Variants in ARFGEF2 observed in about 807,000 individuals in gnomAD.
ARFGEF2 encodes brefeldin A-inhibited guanine nucleotide-exchange protein 2.
Under a neutral mutation model 219.9 loss-of-function variants are expected in ARFGEF2, and 74 were observed. The observed-to-expected ratio is 0.34, with a 90% confidence interval of 0.28 to 0.41. The LOEUF is 0.41. Among genes scored for constraint, ARFGEF2 ranks in the 10% least tolerant of loss-of-function variants. The probability of loss-of-function intolerance (pLI) is 1.00; values close to 1 mark genes in which losing one functional copy is unlikely to be tolerated. For missense variants in ARFGEF2, 1,743 were observed against 2,218.3 expected (o/e 0.79, Z 4.30); for synonymous variants, 733 against 799.2 (o/e 0.92, Z 1.40).
intron 30 of ARFGEF2, 113 bp downstream of exon 30, chr20:49,014,073 C>T: frequency 7.1e-7 from 1 of 1,411,578 alleles, no homozygotes; most frequent in Non-Finnish European, 9.9e-7. Context: ...AAATACTGAG[C>T]AACTTAAGGT....
chr20:49,022,969 T>G, intron 34 of ARFGEF2, 82 bp from the exon 35 acceptor site: 2 of 1,578,614 alleles, frequency 1.3e-6, no homozygotes, highest in South Asian at 2.2e-5. Context: ...AAATCATGCC[T>G]TGCACATAGT....
At chr20:48,990,657 GTCTC>G (rs776770803) in intron 20 of ARFGEF2, among the ~76,000 whole-genome samples, 22 of 152,300 alleles carry the variant, frequency 1.4e-4, no homozygotes, top group Admixed American at 3.3e-4. Flanking sequence ...CTCAGCTAAA[GTCTC>G]TCTGAGACAC....
intron 34 of ARFGEF2, among the ~76,000 whole-genome samples, chr20:49,022,490 G>GA (rs1364284948): frequency 6.6e-6 from 1 of 152,090 alleles, no homozygotes; most frequent in Non-Finnish European, 1.5e-5. Flanking sequence ...GCAGGAACCT[G>GA]AAACGTCCTC....
intron 11 of ARFGEF2, 120 bp from the exon 12 acceptor site, chr20:48,973,025 A>T: frequency 1.8e-6 from 2 of 1,094,828 alleles, no homozygotes; most frequent in South Asian, 2.6e-5. Context: ...TTCCTGAGTG[A>T]GATGTGGCCA....
chr20:49,030,093 A>G lies in ARFGEF2; in HGVS notation c.5063+1425A>G, dbSNP rs532404553. Among the ~76,000 whole-genome samples, 5 of 151,478 alleles carry G rather than the reference A, an allele frequency of 3.3e-5. No individual in the cohort carries two copies. In the South Asian group the frequency reaches 1.0e-3, roughly 32 times the overall value. ...CCTGGCTAATTTTTGTGTTTTTAGT[A>G]GAGACAAAGTTTCACGATATTGGCC... On this transcript the variant is annotated intron_variant, in intron 37 of 38. Coordinates refer to ENST00000371917, the MANE Select transcript of ARFGEF2 (RefSeq NM_006420.3).
chr20:49,031,369 A>G (rs2091633543), intron 37 of ARFGEF2, among the ~76,000 whole-genome samples: 1 of 151,908 alleles, frequency 6.6e-6, no homozygotes, highest in Non-Finnish European at 1.5e-5. Flanking sequence ...AGCTGGAATT[A>G]CAGATACGCA....
intron 6 of ARFGEF2, among the ~76,000 whole-genome samples, chr20:48,958,651 C>G (rs1343417894): frequency 6.6e-6 from 1 of 151,932 alleles, no homozygotes; most frequent in Non-Finnish European, 1.5e-5. Flanking sequence ...ACCGCGCTAG[C>G]CAGGATGGTC....
Position 48,974,679 on chromosome 20 carries a change from C to T in ARFGEF2, c.1666-87C>T, listed in dbSNP as rs901927491. On this transcript the variant is annotated intron_variant, in intron 12 of 38. Coordinates refer to ENST00000371917, the MANE Select transcript of ARFGEF2 (RefSeq NM_006420.3). ...TGACTGTCAGTGATTTCTTTCTTAG[C>T]CTCACTGGGGTCCCAGAAAGCCTCG... 3 of 994,434 alleles carry T rather than the reference C, an allele frequency of 3.0e-6. No homozygotes were observed. The African/African-American group carries it at 4.8e-5, about 16-fold the overall frequency. The allele number at this position is 994,434 out of a possible 1,614,324, so 61.6% of individuals were successfully genotyped here. A position where few individuals can be genotyped will look rare whatever the true frequency, so the allele number is the denominator to read the frequency against.
chr20:48,941,505 T>G (rs2090993017), intron 2 of ARFGEF2, among the ~76,000 whole-genome samples: 1 of 152,208 alleles, frequency 6.6e-6, no homozygotes, highest in South Asian at 2.1e-4. Flanking sequence ...GGCAAAGCCC[T>G]TGTCTCTTGT....
At chr20:48,935,041 G>C (rs568712862) in intron 1 of ARFGEF2, among the ~76,000 whole-genome samples, 2 of 152,236 alleles carry the variant, frequency 1.3e-5, no homozygotes, top group South Asian at 4.1e-4. Context: ...GTTAATGATT[G>C]CCATTCTAAC....
At chr20:48,974,186 C>T (rs959741957) in intron 12 of ARFGEF2, among the ~76,000 whole-genome samples, 11 of 123,326 alleles carry the variant, frequency 8.9e-5, no homozygotes, top group African/African-American at 3.1e-4. Flanking sequence ...AGTGCAGTGG[C>T]GCGATCTCAG....
rs1490675493 is a variant in ARFGEF2, at chr20:49,036,079, T to C, written c.*2880T>C. The C allele has an allele frequency of 2.5e-6, 1 of 398,102 alleles. No homozygotes were observed. The highest frequency in any genetic ancestry group is 4.4e-6 in the Non-Finnish European group (1 of 225,884). The allele number at this position is 398,102 out of a possible 1,614,324, so 24.7% of individuals were successfully genotyped here. A position where few individuals can be genotyped will look rare whatever the true frequency, so the allele number is the denominator to read the frequency against. On this transcript the variant is annotated 3_prime_UTR_variant, in exon 39 of 39. Transcript: ENST00000371917. The stretch of plus-strand genomic sequence containing the variant: ...AGTCTTTGTTATTAAAGGAACCTGC[T>C]GATAAGTACAAGTGTGACCATCTCA...
chr20:49,024,138 A>T (rs112299374), intron 35 of ARFGEF2, among the ~76,000 whole-genome samples: 1,613 of 151,982 alleles, frequency 0.011, 24 homozygotes, highest in African/African-American at 0.035. Context: ...TGCCCAGTTA[A>T]TTTTTTACAT....
intron 14 of ARFGEF2, among the ~76,000 whole-genome samples, chr20:48,982,087 T>C (rs2091299192): frequency 6.6e-6 from 1 of 152,214 alleles, no homozygotes; most frequent in Non-Finnish European, 1.5e-5. Flanking sequence ...ATTTTCAGCT[T>C]TTCTGCTCTG....
chr20:49,010,492 C>A (rs1485302666), intron 27 of ARFGEF2, 88 bp downstream of exon 27: 33 of 1,479,228 alleles, frequency 2.2e-5, no homozygotes, highest in Non-Finnish European at 3.1e-5. Flanking sequence ...CCTACAGGGG[C>A]TTCCCTACCT....
At chr20:48,930,293 T>C (rs1260825067) in intron 1 of ARFGEF2, among the ~76,000 whole-genome samples, 2 of 152,232 alleles carry the variant, frequency 1.3e-5, no homozygotes, top group African/African-American at 4.8e-5. Context: ...ACCTAATCAC[T>C]TCTTAAAGGC....
At position 49,036,495 on chromosome 20, in the gene ARFGEF2, A is replaced by G. The variant is rs1462018689; in HGVS notation, c.*3296A>G. 5 of 354,130 alleles carry G rather than the reference A, an allele frequency of 1.4e-5. No individual in the cohort carries two copies. Among genetic ancestry groups the G allele is most frequent in the Non-Finnish European group, 2.5e-5 (5 of 199,302 alleles). The allele number at this position is 354,130 out of a possible 1,614,324, so 21.9% of individuals were successfully genotyped here. A position where few individuals can be genotyped will look rare whatever the true frequency, so the allele number is the denominator to read the frequency against. On this transcript the variant is annotated 3_prime_UTR_variant, in exon 39 of 39. Coordinates refer to ENST00000371917, the MANE Select transcript of ARFGEF2 (RefSeq NM_006420.3). ...GTTACTTTGGTTTAACCTATACACA[A>G]TGATTAAGTGCATTTAATATTGGTA...
intron 3 of ARFGEF2, among the ~76,000 whole-genome samples, chr20:48,944,346 T>C (rs936727043): frequency 1.3e-5 from 2 of 152,198 alleles, no homozygotes; most frequent in African/African-American, 4.8e-5. Flanking sequence ...TGACATGCAT[T>C]GAGCTCTTAG....
At chr20:48,959,893 G>A (rs777938712) in intron 6 of ARFGEF2, among the ~76,000 whole-genome samples, 1 of 151,942 alleles carries the variant, frequency 6.6e-6, no homozygotes, top group East Asian at 1.9e-4. Context: ...GAGCCACCAT[G>A]CCCCACCAGA....
Sources: allele counts gnomAD v4.1 joint callset (sites outside exome capture counted in the v4.1 genomes callset), GRCh38; gene constraint gnomAD v4.1.1; transcripts MANE v1.5; gene names NCBI Gene and HGNC (gene_info 2026-07-23, HGNC 2026-07-21).